FHDC1: variants seen among roughly 807,000 people sequenced by gnomAD.
The protein encoded by FHDC1 is FH2 domain-containing protein 1.
Under a neutral mutation model 52.6 loss-of-function variants are expected in FHDC1, and 25 were observed. That is an observed-to-expected ratio of 0.48 (90% CI 0.35 to 0.66). The LOEUF (loss-of-function observed/expected upper bound fraction) is 0.66, where lower values mean the gene tolerates loss of function less well. FHDC1 is among the 30% of genes least tolerant of loss of function. The probability of loss-of-function intolerance (pLI) is 0.01; values close to 1 mark genes in which losing one functional copy is unlikely to be tolerated. For missense variants in FHDC1, 1,459 were observed against 1,452.8 expected, an observed-to-expected ratio of 1.00 and a Z score of -0.07; for synonymous variants, 616 against 581.5, an observed-to-expected ratio of 1.06 and a Z score of -0.85.
intron 11 of FHDC1, among the ~76,000 whole-genome samples, chr4:152,973,764 A>G (rs1024387552): frequency 6.6e-6 from 1 of 152,266 alleles, no homozygotes. Flanking sequence ...ACTGCTAACA[A>G]TAACACATTT....
At chr4:152,912,418 C>T in the FHDC1 span, 1 of 152,072 alleles carries the variant, frequency 6.6e-6, no homozygotes, top group Non-Finnish European at 1.5e-5. Context: ...TTTTGAATAT[C>T]CTTTAATATA....
At position 152,978,187 on chromosome 4, in the gene FHDC1, C is replaced by A; in HGVS notation, c.*1464C>A. ...TGTGCGTCTTTCCAATCCCATGTTCCTCCATTCGTGTGTCTGTTATAAAAC... is the reference window on the plus strand; with the variant it reads ...TGTGCGTCTTTCCAATCCCATGTTCATCCATTCGTGTGTCTGTTATAAAAC... On this transcript the variant is annotated 3_prime_UTR_variant, in exon 12 of 12. Coordinates refer to ENST00000511601, the MANE Select transcript of FHDC1 (RefSeq NM_001371116.1). 1 of 152,280 alleles carries A rather than the reference C, an allele frequency of 6.6e-6. No individual in the cohort carries two copies. The highest frequency in any genetic ancestry group is 1.5e-5 in the Non-Finnish European group (1 of 68,044). The allele number at this position is 152,280 out of a possible 1,614,324, so 9.4% of individuals were successfully genotyped here. A position where few individuals can be genotyped will look rare whatever the true frequency, so the allele number is the denominator to read the frequency against.
chr4:152,964,721 T>C (rs544897293), intron 8 of FHDC1, among the ~76,000 whole-genome samples, 184 bp from the exon 9 acceptor site: 2 of 152,322 alleles, frequency 1.3e-5, no homozygotes, highest in South Asian at 4.1e-4. Context: ...TAAATGTATC[T>C]TGAGAGTAGG....
Position 152,976,101 on chromosome 4 carries a change from C to A in FHDC1, c.2810C>A (p.Thr937Asn). 3.1e-6 allele frequency: 5 copies of A among 1,610,342 alleles called. No homozygotes were observed. The highest frequency in any genetic ancestry group is 4.2e-6 in the Non-Finnish European group (5 of 1,178,666). Reference protein sequence around the residue: ...PSQNPPSSTDTVWSRQNSVRR... With the variant: ...PSQNPPSSTDNVWSRQNSVRR... ...CAGAATCCCCCCAGCAGCACAGATA[C>A]TGTGTGGTCACGCCAGAACTCCGTG... Residue 937 changes from threonine to asparagine, a missense_variant, in exon 12 of 12, where the codon ACT (threonine) becomes AAT (asparagine). Thr to Asn is a moderately conservative substitution (Grantham distance 65). Around this residue, in one of 3 missense-constraint regions of FHDC1, gnomAD observed 939 missense variants for 854.5 expected, o/e 1.10. Transcript: ENST00000511601.
At chr4:152,960,711 C>T in intron 5 of FHDC1, 33 bp from the exon 6 acceptor site, 2 of 1,610,834 alleles carry the variant, frequency 1.2e-6, no homozygotes, top group Non-Finnish European at 1.7e-6. Flanking sequence ...CTAATGACAT[C>T]AAATTCTACA....
intron 4 of FHDC1, 70 bp downstream of exon 4, chr4:152,954,389 C>T: frequency 1.5e-6 from 2 of 1,313,404 alleles, no homozygotes; most frequent in Non-Finnish European, 2.2e-6. Context: ...TTAAGTGTGT[C>T]AAAGCTCACA....
intron 6 of FHDC1, among the ~76,000 whole-genome samples, 171 bp downstream of exon 6, chr4:152,961,015 T>A (rs1447659168): frequency 6.6e-6 from 1 of 152,220 alleles, no homozygotes; most frequent in Admixed American, 6.5e-5. Flanking sequence ...CATTGACATT[T>A]TTCCCCTGTA....
intron 4 of FHDC1, among the ~76,000 whole-genome samples, chr4:152,958,032 A>C (rs1399398397): frequency 6.6e-6 from 1 of 152,120 alleles, no homozygotes; most frequent in Non-Finnish European, 1.5e-5. Flanking sequence ...CATTTGTAGT[A>C]TCTCTTTCCC....
At position 152,962,868 on chromosome 4, in the gene FHDC1, G is replaced by A. The variant is rs756911459; in HGVS notation, c.905G>A (p.Gly302Glu). The A allele has an allele frequency of 1.2e-6, 2 of 1,612,806 alleles. No individual in the cohort carries two copies. The highest frequency in any genetic ancestry group is 2.7e-5 in the African/African-American group (2 of 74,454). Residue 302 changes from glycine to glutamate, a missense_variant, in exon 7 of 12, where the codon GGG becomes GAG. This residue lies in a region of FHDC1 where 513 missense variants were observed against 581.5 expected (regional missense o/e 0.88). Coordinates refer to ENST00000511601, the MANE Select transcript of FHDC1 (RefSeq NM_001371116.1). Reference sequence around the variant, plus strand: ...ATATTACACTTGGTGCTCCAGGCTGGGAATATCATGAATGCAGTAAGTAAA... The same window carrying A: ...ATATTACACTTGGTGCTCCAGGCTGAGAATATCATGAATGCAGTAAGTAAA... ...HSILHLVLQAGNIMNAGGYAG... is the reference protein window; with the variant it reads ...HSILHLVLQAENIMNAGGYAG...
In FHDC1 at chr4:152,975,183, C is replaced by T; in HGVS notation, c.1892C>T (p.Ala631Val). ...QLAAAQPENHASAFPRARRQG... is the reference protein window; with the variant it reads ...QLAAAQPENHVSAFPRARRQG... The stretch of plus-strand genomic sequence containing the variant: ...GCAGCCGCCCAGCCTGAGAACCATG[C>T]CTCTGCCTTCCCCAGAGCTCGGCGC... The change falls in exon 12 of 12, where the codon GCC becomes GTC. Residue 631 changes from alanine (A) to valine (V), a missense_variant. Coordinates refer to ENST00000511601, the MANE Select transcript of FHDC1 (RefSeq NM_001371116.1). 6.2e-7 allele frequency: 1 copy of T among 1,613,234 alleles called. No individual in the cohort carries two copies. Among genetic ancestry groups the T allele is most frequent in the Non-Finnish European group, 8.5e-7 (1 of 1,180,008 alleles).
the FHDC1 span, among the ~76,000 whole-genome samples, chr4:152,926,598 G>A: frequency 3.3e-5 from 5 of 149,970 alleles, no homozygotes; most frequent in African/African-American, 1.2e-4. Flanking sequence ...AAAAAAAAAG[G>A]TGGCCTTGTT....
chr4:152,975,449 A>C lies in FHDC1; in HGVS notation c.2158A>C (p.Ser720Arg), dbSNP rs778203087. 6.2e-7 allele frequency: 1 copy of C among 1,613,016 alleles called. No homozygotes were observed. The highest frequency in any genetic ancestry group is 1.7e-5 in the Admixed American group (1 of 60,004). The change falls in exon 12 of 12, where the codon AGC becomes CGC. Residue 720 changes from serine (S) to arginine (R), a missense_variant. Ser to Arg is a moderately radical substitution (Grantham distance 110). Transcript: ENST00000511601. ...GHRGPQSLSASSSSLTPMGRD... is the reference protein window; with the variant it reads ...GHRGPQSLSARSSSLTPMGRD... ...TAGGGGCCCGCAGTCCCTCAGTGCC[A>C]GCAGCAGCAGCCTGACACCCATGGG...
At position 152,974,951 on chromosome 4, in the gene FHDC1, T is replaced by A; in HGVS notation, c.1660T>A (p.Phe554Ile). Residue 554 changes from phenylalanine (F) to isoleucine (I), a missense_variant, in exon 12 of 12, where the codon TTC becomes ATC. By Grantham distance (21) the Phe-to-Ile change is conservative. Transcript: ENST00000511601. ...CTCTGCTGACCGGGAGCTGCTGACCTTCTTGGAGAGCTCCACCGGCAGCCC... is the reference window on the plus strand; with the variant it reads ...CTCTGCTGACCGGGAGCTGCTGACCATCTTGGAGAGCTCCACCGGCAGCCC... Reference protein sequence around the residue: ...GPSADRELLTFLESSTGSPEE... With the variant: ...GPSADRELLTILESSTGSPEE... 6.2e-7 allele frequency: 1 copy of A among 1,612,404 alleles called. No homozygotes were observed.
chr4:152,918,103 G>A, the FHDC1 span, among the ~76,000 whole-genome samples: 3 of 152,186 alleles, frequency 2.0e-5, no homozygotes, highest in Admixed American at 2.0e-4. Context: ...GACATACTAA[G>A]AGGCTATTGT....
the FHDC1 span, among the ~76,000 whole-genome samples, chr4:152,913,685 A>ATT: frequency 7.9e-5 from 12 of 151,476 alleles, no homozygotes; most frequent in African/African-American, 2.9e-4. Flanking sequence ...TTATTTATTT[A>ATT]TTTATTTTTT....
At chr4:152,948,975 G>A (rs1023624000) in intron 2 of FHDC1, among the ~76,000 whole-genome samples, 3 of 151,912 alleles carry the variant, frequency 2.0e-5, no homozygotes, top group African/African-American at 2.4e-5. Context: ...TGTAGTCCCC[G>A]TTACTCGGGA....
At chr4:152,935,259 T>C (rs190453515), upstream of FHDC1, among the ~76,000 whole-genome samples, 5 of 152,228 alleles carry the variant, frequency 3.3e-5, no homozygotes, top group East Asian at 5.8e-4. Flanking sequence ...AGGACCAGGA[T>C]GGAGGAAGCA....
chr4:152,950,727 G>T (rs906247510), intron 2 of FHDC1, among the ~76,000 whole-genome samples: 1 of 152,210 alleles, frequency 6.6e-6, no homozygotes, highest in Non-Finnish European at 1.5e-5. Context: ...CCAGGCACAC[G>T]TATAGCTTCT....
chr4:152,937,877 G>C (rs557606729), intron 1 of FHDC1, among the ~76,000 whole-genome samples: 11 of 152,256 alleles, frequency 7.2e-5, no homozygotes, highest in Admixed American at 6.5e-4. Flanking sequence ...CTGAGCCGGT[G>C]GCTTGTTGGT....
Sources: allele counts gnomAD v4.1 joint callset (sites outside exome capture counted in the v4.1 genomes callset), GRCh38; gene constraint gnomAD v4.1.1; regional missense constraint gnomAD v4.1.1; transcripts MANE v1.5; gene names NCBI Gene and HGNC (gene_info 2026-07-23, HGNC 2026-07-21).